The following RANBP2 variants were observed in gnomAD, a reference collection of about 807,000 sequenced individuals.
RANBP2 encodes E3 SUMO-protein ligase RanBP2.
Under a neutral mutation model 303.6 loss-of-function variants are expected in RANBP2, and 57 were observed. The observed-to-expected ratio is 0.19, with a 90% confidence interval of 0.15 to 0.23. The LOEUF is 0.23. RANBP2 is among the 10% of genes least tolerant of loss of function. The pLI, the probability that RANBP2 is intolerant of heterozygous loss-of-function variation, is 1.00. For synonymous variants in RANBP2, 1,167 were observed against 1,301.5 expected (o/e 0.90, Z 2.23); for missense variants, 3,138 against 3,780.8 (o/e 0.83, Z 4.46).
chr2:109,615,486 A>G, the RANBP2 span: 1 of 1,613,602 alleles, frequency 6.2e-7, no homozygotes, highest in Admixed American at 1.7e-5. Flanking sequence ...GCTGCCGGTG[A>G]ACATCGACGC....
the RANBP2 span, among the ~76,000 whole-genome samples, chr2:109,422,031 C>T: frequency 6.6e-6 from 1 of 152,228 alleles, no homozygotes; most frequent in Non-Finnish European, 1.5e-5. Flanking sequence ...GCTCACCTAT[C>T]CTCTTTAACT....
At chr2:109,038,764 A>C in the RANBP2 span, among the ~76,000 whole-genome samples, 1 of 152,234 alleles carries the variant, frequency 6.6e-6, no homozygotes, top group South Asian at 2.1e-4. Context: ...CTGATTTCCA[A>C]AGTAGCACCA....
the RANBP2 span, among the ~76,000 whole-genome samples, chr2:108,985,702 GA>G: frequency 6.6e-6 from 1 of 152,192 alleles, no homozygotes; most frequent in Non-Finnish European, 1.5e-5. Context: ...CAGCATTTGA[GA>G]AATAACAGGT....
chr2:108,992,881 G>A, the RANBP2 span, among the ~76,000 whole-genome samples: 1 of 152,130 alleles, frequency 6.6e-6, no homozygotes, highest in Non-Finnish European at 1.5e-5. Flanking sequence ...CCTAAAATGC[G>A]TTTGTCCCCA....
At position 108,771,696 on chromosome 2, in the gene RANBP2, T is replaced by A. The variant is rs756409669; in HGVS notation, c.7850-5T>A. ...CTTTGTCAATTTTTTTGACTGGTGT[T>A]ACAGCAAAAGAGAAGAAAAAACCTG... is the stretch of plus-strand genomic sequence containing the variant. On this transcript the variant is annotated splice_region_variant and splice_polypyrimidine_tract_variant and intron_variant, in intron 20 of 28. Transcript: ENST00000283195. 23 of 1,611,746 alleles carry A rather than the reference T, an allele frequency of 1.4e-5. No homozygotes were observed. The highest frequency in any genetic ancestry group is 1.9e-5 in the Non-Finnish European group (22 of 1,179,832).
At chr2:109,531,849 C>T in the RANBP2 span, among the ~76,000 whole-genome samples, 1 of 152,230 alleles carries the variant, frequency 6.6e-6, no homozygotes, top group African/African-American at 2.4e-5. Flanking sequence ...TCATGGTCAC[C>T]TCAAGGGGAG....
the RANBP2 span, among the ~76,000 whole-genome samples, chr2:109,542,287 A>T: frequency 6.6e-6 from 1 of 152,242 alleles, no homozygotes; most frequent in Non-Finnish European, 1.5e-5. Flanking sequence ...TATGAAATGA[A>T]TTAAAAATTC....
chr2:109,346,262 A>G, the RANBP2 span, among the ~76,000 whole-genome samples: 98 of 152,220 alleles, frequency 6.4e-4, no homozygotes, highest in Admixed American at 7.2e-4. Flanking sequence ...CTGTTTGTCA[A>G]TTTGCCAGCA....
chr2:109,171,362 A>G, the RANBP2 span, among the ~76,000 whole-genome samples: 7,304 of 152,302 alleles, frequency 0.048, 467 homozygotes, highest in East Asian at 0.33. Context: ...CTCTATACAA[A>G]ATGATGGCTA....
rs773968635 is a variant in RANBP2, at chr2:108,730,793, A to G, written c.160A>G (p.Asn54Asp). The G allele has an allele frequency of 3.7e-6, 6 of 1,611,618 alleles. No individual in the cohort carries two copies. The highest frequency in any genetic ancestry group is 2.5e-6 in the Non-Finnish European group (3 of 1,179,632). The change falls in exon 3 of 29, where the codon AAT becomes GAT. Residue 54 changes from asparagine (N) to aspartate (D), a missense_variant. Transcript: ENST00000283195. ...LAKKYICTYI[N>D]VQERDPKAHR... is the part of the protein sequence containing the mutation. ...AAACAGATACATATGTACTTACATTAATGTGCAAGAGAGGGATCCCAAAGC... is the reference window on the plus strand; with the variant it reads ...AAACAGATACATATGTACTTACATTGATGTGCAAGAGAGGGATCCCAAAGC...
the RANBP2 span, among the ~76,000 whole-genome samples, chr2:109,453,163 A>ACC: frequency 6.6e-6 from 1 of 152,030 alleles, no homozygotes; most frequent in African/African-American, 2.4e-5. Flanking sequence ...CCATTCCTGA[A>ACC]CCAGAGCTCC....
chr2:109,500,021 G>A, the RANBP2 span, among the ~76,000 whole-genome samples: 1 of 152,118 alleles, frequency 6.6e-6, no homozygotes, highest in Non-Finnish European at 1.5e-5. Context: ...CGGGTGGTCC[G>A]TGTGAACACA....
At chr2:108,976,459 C>A in the RANBP2 span, among the ~76,000 whole-genome samples, 1,543 of 152,258 alleles carry the variant, frequency 0.01, 20 homozygotes, top group Middle Eastern at 0.02. Flanking sequence ...TGGCAGGATT[C>A]CCCACTCTGA....
rs776629202 is a variant in RANBP2, at chr2:108,783,612, A to G, written c.9386A>G (p.Lys3129Arg). ...DFVCQGGDIT[K>R]HDGTGGQSIY... is the part of the protein sequence containing the mutation. ...TTTTTTCAGGGAGGAGATATCACCA[A>G]ACATGATGGAACAGGCGGACAGTCC... Residue 3129 changes from lysine (K) to arginine (R), a missense_variant, in exon 29 of 29, where the codon AAA becomes AGA. Transcript: ENST00000283195. 6.2e-7 allele frequency: 1 copy of G among 1,611,448 alleles called. No individual in the cohort carries two copies. Among genetic ancestry groups the G allele is most frequent in the East Asian group, 2.2e-5 (1 of 44,816 alleles).
the RANBP2 span, among the ~76,000 whole-genome samples, chr2:109,518,622 A>AT: frequency 6.6e-6 from 1 of 152,230 alleles, no homozygotes; most frequent in South Asian, 2.1e-4. Flanking sequence ...AAATATGTGC[A>AT]TACTGAATCA....
At chr2:108,921,295 G>A in the RANBP2 span, among the ~76,000 whole-genome samples, 4 of 152,200 alleles carry the variant, frequency 2.6e-5, no homozygotes, top group Non-Finnish European at 1.5e-5. Context: ...CTCCCCTGCA[G>A]CTGCGACCCA....
chr2:109,001,240 T>C, the RANBP2 span, among the ~76,000 whole-genome samples: 1 of 151,978 alleles, frequency 6.6e-6, no homozygotes, highest in African/African-American at 2.4e-5. Context: ...ACACAGTCTT[T>C]GGCACCATGG....
chr2:108,993,314 T>C, the RANBP2 span, among the ~76,000 whole-genome samples: 1 of 152,266 alleles, frequency 6.6e-6, no homozygotes, highest in African/African-American at 2.4e-5. Flanking sequence ...GACAGGAAAC[T>C]GTGGCCACAA....
At chr2:109,024,583 T>C in the RANBP2 span, among the ~76,000 whole-genome samples, 2 of 152,198 alleles carry the variant, frequency 1.3e-5, no homozygotes, top group Admixed American at 6.5e-5. Flanking sequence ...TGAAGACTGA[T>C]GCCTGAACCT....
Sources: allele counts gnomAD v4.1 joint callset (sites outside exome capture counted in the v4.1 genomes callset), GRCh38; gene constraint gnomAD v4.1.1; transcripts MANE v1.5; gene names NCBI Gene and HGNC (gene_info 2026-07-23, HGNC 2026-07-21).